Variants in DENND4A observed in about 807,000 individuals in gnomAD.
DENND4A encodes DENN domain containing 4A.
A neutral mutation model predicts 199.3 loss-of-function variants in DENND4A; 70 were observed. The ratio of observed to expected loss-of-function variants is 0.35; its 90% CI spans 0.29 to 0.43. The LOEUF (loss-of-function observed/expected upper bound fraction) is 0.43, where lower values mean the gene tolerates loss of function less well. DENND4A is among the 20% of genes least tolerant of loss of function. The pLI is 1.00. For synonymous variants in DENND4A, 686 were observed against 766.9 expected (o/e 0.89, Z 1.74); for missense variants, 1,723 against 2,255.8 (o/e 0.76, Z 4.78).
At chr15:65,707,286 G>A (rs1230136465) in intron 14 of DENND4A, among the ~76,000 whole-genome samples, 1 of 152,050 alleles carries the variant, frequency 6.6e-6, no homozygotes, top group African/African-American at 2.4e-5. Flanking sequence ...AAAAAAGGAT[G>A]TTATACATAT....
At chr15:65,725,634 G>A (rs1039491515) in intron 11 of DENND4A, among the ~76,000 whole-genome samples, 3 of 150,650 alleles carry the variant, frequency 2.0e-5, no homozygotes, top group Admixed American at 6.6e-5. Flanking sequence ...CTGAGATCAC[G>A]CCACCACACT....
chr15:65,763,930 T>C (rs2076918581), intron 1 of DENND4A, among the ~76,000 whole-genome samples: 2 of 152,150 alleles, frequency 1.3e-5, no homozygotes, highest in Non-Finnish European at 2.9e-5. Context: ...AATGAAACAA[T>C]GTAAATACTG....
At chr15:65,760,718 G>A (rs1017304124) in intron 2 of DENND4A, among the ~76,000 whole-genome samples, 3 of 151,840 alleles carry the variant, frequency 2.0e-5, no homozygotes, top group Non-Finnish European at 2.9e-5. Flanking sequence ...GTGAAACCTC[G>A]TTTCTACCAA....
chr15:65,746,365 T>C (rs1177361727), intron 4 of DENND4A, among the ~76,000 whole-genome samples: 3 of 138,154 alleles, frequency 2.2e-5, no homozygotes, highest in Admixed American at 7.4e-5. Flanking sequence ...TTCTACTTTT[T>C]TCTCTTTTTT....
chr15:65,771,700 T>C, intron 1 of DENND4A: 1 of 1,610,166 alleles, frequency 6.2e-7, no homozygotes, highest in Non-Finnish European at 8.5e-7. Context: ...CCCCAAAAAA[T>C]ATATTAAACA....
intron 11 of DENND4A, chr15:65,727,782 G>A (rs1004024564): frequency 5.1e-5 from 19 of 373,210 alleles, no homozygotes; most frequent in African/African-American, 3.3e-4. Flanking sequence ...AATAGATTAA[G>A]TATGATTAAA....
chr15:65,701,080 T>G lies in DENND4A; in HGVS notation c.2672A>C (p.His891Pro), dbSNP rs1297595225. 1 of 1,608,930 alleles carries G rather than the reference T, an allele frequency of 6.2e-7. No homozygotes were observed. Among genetic ancestry groups the G allele is most frequent in the Non-Finnish European group, 8.5e-7 (1 of 1,178,606 alleles). The change falls in exon 19 of 33, where the codon CAT becomes CCT. Residue 891 changes from histidine to proline, a missense_variant. By Grantham distance (77) the His-to-Pro change is moderately conservative (BLOSUM62 -2). This residue lies in a region of DENND4A where 650 missense variants were observed against 738.1 expected (regional missense o/e 0.88). Coordinates refer to ENST00000443035, the MANE Select transcript of DENND4A (RefSeq NM_001320835.1). The part of the protein sequence containing the change: ...VTQFKRALKK[H>P]AHLSQTTLSA... ...GAGAGTTGTTTGTGATAAGTGTGCA[T>G]GCTTCTTTAAAGCTCTTTTGAACTG...
chr15:65,708,806 G>A (rs2075144690), intron 14 of DENND4A, among the ~76,000 whole-genome samples: 1 of 152,150 alleles, frequency 6.6e-6, no homozygotes, highest in African/African-American at 2.4e-5. Flanking sequence ...CTTTAGTTAA[G>A]CACCATCCCA....
Position 65,702,425 on chromosome 15 carries a change from T to C in DENND4A, c.2310A>G (p.Gly770=), listed in dbSNP as rs1377733279. 6.3e-7 allele frequency: 1 copy of C among 1,588,042 alleles called. No individual in the cohort carries two copies. The highest frequency in any genetic ancestry group is 8.6e-7 in the Non-Finnish European group (1 of 1,166,832). The change falls in exon 17 of 33, where the codon GGA becomes GGG. Residue 770 remains glycine (G), a synonymous_variant. Coordinates refer to ENST00000443035, the MANE Select transcript of DENND4A (RefSeq NM_001320835.1). ...WSRCLLRHCY[G]LWFICLPAYV... Reference sequence around the variant, plus strand: ...AAGCTGGGAGACAAATAAACCACAGTCCATAACAGTGGCGCAGTAGACACC... The same window carrying C: ...AAGCTGGGAGACAAATAAACCACAGCCCATAACAGTGGCGCAGTAGACACC...
intron 1 of DENND4A, among the ~76,000 whole-genome samples, chr15:65,773,574 C>A (rs996160112): frequency 1.3e-5 from 2 of 152,156 alleles, no homozygotes; most frequent in Admixed American, 6.5e-5. Flanking sequence ...AAAGGAGGAA[C>A]AAGCACAATG....
chr15:65,696,812 C>CT (rs930967017), intron 21 of DENND4A: 3,407 of 251,142 alleles, frequency 0.014, no homozygotes, highest in South Asian at 0.027. Context: ...ATTAAACAAA[C>CT]TTTTTTTTTT....
At chr15:65,743,147 A>T (rs1198116604) in intron 4 of DENND4A, among the ~76,000 whole-genome samples, 1 of 152,148 alleles carries the variant, frequency 6.6e-6, no homozygotes, top group Non-Finnish European at 1.5e-5. Context: ...CTATCACTAC[A>T]TAAACGAGTG....
intron 18 of DENND4A, 122 bp downstream of exon 18, chr15:65,701,640 C>T (rs1426872483): frequency 1.2e-5 from 11 of 909,600 alleles, no homozygotes; most frequent in Admixed American, 2.8e-5. Context: ...CCTTGATTGA[C>T]AAAATGTATT....
intron 5 of DENND4A, among the ~76,000 whole-genome samples, chr15:65,741,358 T>C (rs189212165): frequency 6.6e-6 from 1 of 152,376 alleles, no homozygotes; most frequent in East Asian, 1.9e-4. Context: ...TCCATTATTA[T>C]GAAACATGAT....
In DENND4A at chr15:65,676,544, A is replaced by T. The variant is rs375571722; in HGVS notation, c.4270T>A (p.Leu1424Met). The change falls in exon 24 of 33, where the codon TTG (leucine) becomes ATG (methionine). Residue 1424 changes from leucine to methionine, a missense_variant. Transcript: ENST00000443035. ...TCTTGAGAGGAGATAGGTCCTTCCA[A>T]CTCATGGCAGACATCTTCATCTGTT... ...SLTDEDVCHE[L>M]EGPISSQETS... is the part of the protein sequence containing the mutation. 9.3e-6 allele frequency: 15 copies of T among 1,613,630 alleles called. No individual in the cohort carries two copies. The African/African-American group carries it at 1.9e-4, about 20-fold the overall frequency.
At chr15:65,729,047 T>G (rs1567052818) in intron 11 of DENND4A, 25 bp downstream of exon 11, 2 of 1,554,370 alleles carry the variant, frequency 1.3e-6, no homozygotes, top group Middle Eastern at 1.7e-4. Flanking sequence ...AAAATATACA[T>G]GTAGAATCAC....
chr15:65,716,491 C>T (rs2075406208), intron 13 of DENND4A, among the ~76,000 whole-genome samples: 1 of 147,382 alleles, frequency 6.8e-6, no homozygotes, highest in South Asian at 2.1e-4. Context: ...TGAGAACATG[C>T]GGTGTTTGGT....
chr15:65,726,941 G>A (rs1474544081), intron 11 of DENND4A, among the ~76,000 whole-genome samples: 1 of 151,992 alleles, frequency 6.6e-6, no homozygotes, highest in Non-Finnish European at 1.5e-5. Context: ...CTGGGCAACA[G>A]AACGAGACAT....
chr15:65,719,534 G>T (rs1052437484), intron 12 of DENND4A, among the ~76,000 whole-genome samples: 3 of 152,018 alleles, frequency 2.0e-5, no homozygotes, highest in Non-Finnish European at 4.4e-5. Context: ...AATAGTGTGC[G>T]ATCTGATATA....
Sources: allele counts gnomAD v4.1 joint callset (sites outside exome capture counted in the v4.1 genomes callset), GRCh38; gene constraint gnomAD v4.1.1; regional missense constraint gnomAD v4.1.1; transcripts MANE v1.5; gene names NCBI Gene and HGNC (gene_info 2026-07-23, HGNC 2026-07-21).